GEM: variants seen among roughly 807,000 people sequenced by gnomAD.
The protein encoded by GEM is GTP binding protein overexpressed in skeletal muscle, also known as GTP-binding protein GEM.
Under a neutral mutation model 33.0 loss-of-function variants are expected in GEM, and 31 were observed. The observed-to-expected ratio is 0.94, with a 90% CI of 0.71 to 1.27. GEM has a LOEUF of 1.27. Among genes scored for constraint, GEM ranks in the 50% most tolerant of loss-of-function variants. The pLI is 0.00. For synonymous variants in GEM, 141 were observed against 143.7 expected (o/e 0.98, Z 0.13); for missense variants, 354 against 390.5 (o/e 0.91, Z 0.79).
In GEM at chr8:94,250,321, A is replaced by C. The variant is rs747387622; in HGVS notation, c.880T>G (p.Ser294Ala). 1 of 1,613,160 alleles carries C rather than the reference A, an allele frequency of 6.2e-7. No individual in the cohort carries two copies. The highest frequency in any genetic ancestry group is 1.1e-5 in the South Asian group (1 of 90,990). Reference protein sequence around the residue: ...KLKSKSCHDLSVL With the variant: ...KLKSKSCHDLAVL ...GTGACCCTGGGTTCCTAGAGTACAG[A>C]GAGGTCATGGCAGGATTTGGACTTG... Residue 294 changes from serine to alanine, a missense_variant, in exon 5 of 5, where the codon TCT becomes GCT. Transcript: ENST00000297596.
chr8:94,259,398 T>C (rs1808968272), intron 2 of GEM, among the ~76,000 whole-genome samples: 1 of 152,132 alleles, frequency 6.6e-6, no homozygotes. Flanking sequence ...GACATATAAC[T>C]ACCCTGGTCG....
At chr8:94,260,086 T>G in intron 2 of GEM, 87 bp downstream of exon 2, 1 of 850,910 alleles carries the variant, frequency 1.2e-6, no homozygotes, top group Non-Finnish European at 1.9e-6. Context: ...AGCTCCCAAC[T>G]CTGTGGGTAA....
At chr8:94,253,853 G>T (rs1043696970) in intron 2 of GEM, among the ~76,000 whole-genome samples, 3 of 152,180 alleles carry the variant, frequency 2.0e-5, no homozygotes, top group African/African-American at 7.2e-5. Context: ...AAATCCATGG[G>T]GGGCAGGCGT....
rs1808997646 is a variant in GEM, at chr8:94,260,465, C to T, written c.39G>A (p.Val13=). The change falls in exon 2 of 5, where the codon GTG becomes GTA. Residue 13 remains valine (V), a synonymous_variant. Coordinates refer to ENST00000297596, the MANE Select transcript of GEM (RefSeq NM_005261.4). The stretch of plus-strand genomic sequence containing the variant: ...AGCGCTGCTGCTGTGGCTGCATGCC[C>T]ACAGTGCCCTGGCGCATGGTGACAT... ...LNNVTMRQGT[V]GMQPQQQRWS... is the part of the protein sequence containing the mutation. 1.2e-6 allele frequency: 2 copies of T among 1,611,450 alleles called. No homozygotes were observed. The highest frequency in any genetic ancestry group is 1.1e-5 in the South Asian group (1 of 90,982).
At chr8:94,257,337 C>T (rs1044475481) in intron 2 of GEM, among the ~76,000 whole-genome samples, 6 of 151,988 alleles carry the variant, frequency 3.9e-5, no homozygotes, top group South Asian at 4.2e-4. Flanking sequence ...CATGCCACCA[C>T]GCCCGGCTAA....
At chr8:94,254,759 G>A (rs373663918) in intron 2 of GEM, among the ~76,000 whole-genome samples, 245 of 152,298 alleles carry the variant, frequency 1.6e-3, no homozygotes, top group African/African-American at 5.2e-3. Context: ...CCCTTCCTTA[G>A]AGAAGGAAAA....
At chr8:94,257,480 C>G (rs1024867286) in intron 2 of GEM, among the ~76,000 whole-genome samples, 8 of 152,186 alleles carry the variant, frequency 5.3e-5, no homozygotes, top group African/African-American at 1.9e-4. Context: ...CCATGCCGGG[C>G]CAACCATGAA....
intron 1 of GEM, among the ~76,000 whole-genome samples, chr8:94,261,805 CG>C (rs1437490341): frequency 6.6e-6 from 1 of 152,108 alleles, no homozygotes. Flanking sequence ...TAAGTACTTA[CG>C]TTGCAATCAG....
chr8:94,250,329 T>C lies in GEM; in HGVS notation c.872A>G (p.His291Arg), dbSNP rs777248979. The change falls in exon 5 of 5, where the codon CAT becomes CGT. Residue 291 changes from histidine (H) to arginine (R), a missense_variant. Transcript: ENST00000297596. The stretch of plus-strand genomic sequence containing the variant: ...GGGTTCCTAGAGTACAGAGAGGTCA[T>C]GGCAGGATTTGGACTTGAGCTTGAA... ...MAFKLKSKSC[H>R]DLSVL The C allele has an allele frequency of 3.7e-6, 6 of 1,613,850 alleles. No individual in the cohort carries two copies. Among genetic ancestry groups the C allele is most frequent in the East Asian group, 2.2e-5 (1 of 44,884 alleles).
rs201792479 is a variant in GEM at position 94,260,183 on chromosome 8, C to G, written c.321G>C (p.Glu107Asp). Residue 107 changes from glutamate (E) to aspartate (D), a missense_variant, in exon 2 of 5, where the codon GAG (glutamate) becomes GAC (aspartate). Transcript: ENST00000297596. ...GVHDSMDSDC[E>D]VLGEDTYERT... is the part of the protein sequence containing the mutation. ...GGCTGGGACACCTACCTCCCAGCAC[C>G]TCGCAGTCGCTGTCCATGCTGTCAT... is the stretch of plus-strand genomic sequence containing the variant. The G allele has an allele frequency of 6.3e-7, 1 of 1,587,446 alleles. No individual in the cohort carries two copies. Among genetic ancestry groups the G allele is most frequent in the South Asian group, 1.1e-5 (1 of 90,452 alleles).
In GEM at chr8:94,250,417, T is replaced by C. The variant is rs773218409; in HGVS notation, c.784A>G (p.Met262Val). The change falls in exon 5 of 5, where the codon ATG becomes GTG. Residue 262 changes from methionine (M) to valine (V), a missense_variant. By Grantham distance (21) the Met-to-Val change is conservative. Coordinates refer to ENST00000297596, the MANE Select transcript of GEM (RefSeq NM_005261.4). ...CAGAAGCGCCTGGCTTTCCTGGGCA[T>C]GCTCTCCTTCCTTTTCTGGTAGGCC... The part of the protein sequence containing the change: ...RLAYQKRKES[M>V]PRKARRFWGK... 2.5e-6 allele frequency: 4 copies of C among 1,614,178 alleles called. No individual in the cohort carries two copies. Among genetic ancestry groups the C allele is most frequent in the Non-Finnish European group, 3.4e-6 (4 of 1,180,014 alleles).
intron 4 of GEM, among the ~76,000 whole-genome samples, 155 bp downstream of exon 4, chr8:94,251,864 G>C (rs1808776388): frequency 6.6e-6 from 1 of 152,132 alleles, no homozygotes; most frequent in Non-Finnish European, 1.5e-5. Context: ...GACCCACTGG[G>C]ACTGTAGGAG....
chr8:94,253,661 T>A (rs2445712), intron 2 of GEM, among the ~76,000 whole-genome samples: 84,011 of 151,548 alleles, frequency 0.55, 23,760 homozygotes, highest in African/African-American at 0.6. Flanking sequence ...TTCCTTTTTT[T>A]AAAAAAAATG....
At position 94,250,542 on chromosome 8, in the gene GEM, G is replaced by A; in HGVS notation, c.659C>T (p.Thr220Ile). 1 of 1,614,152 alleles carries A rather than the reference G, an allele frequency of 6.2e-7. No homozygotes were observed. The highest frequency in any genetic ancestry group is 8.5e-7 in the Non-Finnish European group (1 of 1,179,980). The change falls in exon 5 of 5, where the codon ACC becomes ATC. Residue 220 changes from threonine (T) to isoleucine (I), a missense_variant. Thr to Ile is a moderately conservative substitution (Grantham distance 89). Transcript: ENST00000297596. The stretch of plus-strand genomic sequence containing the variant: ...CACGTTGTGCTGGACAGCTGCAGAG[G>A]TCTCGATGAACTTGCAGTCAAACAC... Reference protein sequence around the residue: ...AVVFDCKFIETSAAVQHNVKE... With the variant: ...AVVFDCKFIEISAAVQHNVKE...
intron 3 of GEM, 22 bp downstream of exon 3, chr8:94,253,014 G>A (rs1808810959): frequency 7.2e-7 from 1 of 1,380,324 alleles, no homozygotes; most frequent in Admixed American, 1.7e-5. Context: ...AAGGAATTTA[G>A]AGAGCTACAG....
intron 2 of GEM, among the ~76,000 whole-genome samples, chr8:94,258,720 A>C (rs1474960559): frequency 6.6e-6 from 1 of 152,216 alleles, no homozygotes; most frequent in Non-Finnish European, 1.5e-5. Flanking sequence ...ATGTGTGGGA[A>C]GTATTTAACA....
At chr8:94,252,504 C>A (rs1281207227) in intron 3 of GEM, among the ~76,000 whole-genome samples, 1 of 152,160 alleles carries the variant, frequency 6.6e-6, no homozygotes, top group Non-Finnish European at 1.5e-5. Flanking sequence ...AACTTCTCTG[C>A]CAAACAGCAT....
intron 3 of GEM, 90 bp from the exon 4 acceptor site, chr8:94,252,313 T>C: frequency 2.3e-6 from 2 of 870,880 alleles, no homozygotes; most frequent in South Asian, 1.5e-5. Context: ...TATCCTAAAG[T>C]ACACTTGCTG....
chr8:94,255,516 C>T (rs2129764049), intron 2 of GEM, among the ~76,000 whole-genome samples: 1 of 152,272 alleles, frequency 6.6e-6, no homozygotes, highest in South Asian at 2.1e-4. Flanking sequence ...CCTTCCAGCA[C>T]ACATGGCATC....
Sources: gnomAD v4.1 joint callset for allele counts (sites outside exome capture counted in the v4.1 genomes callset) on GRCh38, gnomAD v4.1.1 for gene constraint, MANE v1.5 for transcripts, NCBI Gene and HGNC (gene_info 2026-07-23, HGNC 2026-07-21) for gene names.